Variants in GRM1 observed in about 807,000 individuals in gnomAD.
The protein encoded by GRM1 is glutamate metabotropic receptor 1, also known as metabotropic glutamate receptor 1.
Under a neutral mutation model 90.9 loss-of-function variants are expected in GRM1, and 33 were observed. The ratio of observed to expected loss-of-function variants is 0.36; its 90% CI spans 0.28 to 0.49. The LOEUF (loss-of-function observed/expected upper bound fraction) is 0.49, where lower values mean the gene tolerates loss of function less well. GRM1 is among the 20% of genes least tolerant of loss of function. The pLI, the probability that GRM1 is intolerant of heterozygous loss-of-function variation, is 0.99. For missense variants in GRM1, 1,190 were observed against 1,534.3 expected (o/e 0.78, Z 3.75); for synonymous variants, 700 against 613.2 (o/e 1.14, Z -2.09).
At chr6:146,038,575 G>A (rs1227685838) in intron 1 of GRM1, among the ~76,000 whole-genome samples, 2 of 151,968 alleles carry the variant, frequency 1.3e-5, no homozygotes, top group Non-Finnish European at 2.9e-5. Flanking sequence ...GGGAAGTTCT[G>A]TGGTGGAGAT....
chr6:146,371,012 C>T lies in GRM1; in HGVS notation c.1602+13318C>T, dbSNP rs140055017. Among the ~76,000 whole-genome samples, 16 of 152,104 alleles carry T rather than the reference C, an allele frequency of 1.1e-4. No individual in the cohort carries two copies. The East Asian group carries it at 3.1e-3, about 29-fold the overall frequency. ...ATGTAGTTCTATGTCTCTTTTATTC[C>T]AATTGAATTCTTCATTTCCATTTTT... On this transcript the variant is annotated intron_variant, in intron 5 of 7. Transcript: ENST00000282753.
Position 146,029,992 on chromosome 6 carries a change from G to A in GRM1, c.475G>A (p.Val159Met). Residue 159 changes from valine to methionine, a missense_variant, in exon 1 of 8, where the codon GTG (valine) becomes ATG (methionine). Physicochemically the swap from Val to Met is conservative, Grantham distance 21. This residue lies in a region of GRM1 where 46 missense variants were observed against 116.1 expected (regional missense o/e 0.40). Coordinates refer to ENST00000282753, the MANE Select transcript of GRM1 (RefSeq NM_001278064.2). ...CAGGACTAAGAAGCCCATTGCGGGA[G>A]TGATCGGTCCCGGCTCCAGCTCTGT... The part of the protein sequence containing the change: ...PGRTKKPIAG[V>M]IGPGSSSVAI... The A allele has an allele frequency of 6.2e-7, 1 of 1,614,144 alleles. No homozygotes were observed. The highest frequency in any genetic ancestry group is 8.5e-7 in the Non-Finnish European group (1 of 1,179,996).
intron 1 of GRM1, among the ~76,000 whole-genome samples, chr6:146,098,652 G>A (rs1304604108): frequency 6.6e-6 from 1 of 151,848 alleles, no homozygotes; most frequent in African/African-American, 2.4e-5. Flanking sequence ...CCCCAACCAA[G>A]TCTCATCCTG....
At chr6:146,094,817 A>G (rs563409732) in intron 1 of GRM1, among the ~76,000 whole-genome samples, 2 of 152,236 alleles carry the variant, frequency 1.3e-5, no homozygotes, top group East Asian at 3.9e-4. Flanking sequence ...TGTGCTGAGA[A>G]TCATGCACTA....
chr6:146,129,472 C>A (rs1410238037), intron 1 of GRM1, among the ~76,000 whole-genome samples: 1 of 152,112 alleles, frequency 6.6e-6, no homozygotes, highest in Non-Finnish European at 1.5e-5. Flanking sequence ...GTGAAGCCTT[C>A]TATAAAGAGT....
intron 2 of GRM1, among the ~76,000 whole-genome samples, chr6:146,193,139 T>C (rs1437076143): frequency 6.6e-6 from 1 of 152,174 alleles, no homozygotes; most frequent in Non-Finnish European, 1.5e-5. Context: ...AAGATAAATT[T>C]TGAGTATATT....
At chr6:146,367,146 T>C (rs1188843994) in intron 5 of GRM1, among the ~76,000 whole-genome samples, 2 of 152,274 alleles carry the variant, frequency 1.3e-5, no homozygotes, top group South Asian at 2.1e-4. Flanking sequence ...CCTAGCACCA[T>C]TTATTAGAGA....
At chr6:146,378,048 A>T (rs900384944) in intron 5 of GRM1, among the ~76,000 whole-genome samples, 1 of 152,154 alleles carries the variant, frequency 6.6e-6, no homozygotes, top group Non-Finnish European at 1.5e-5. Flanking sequence ...TACACATGGT[A>T]TTGGGCTTGT....
chr6:146,045,391 A>G (rs1484130235), intron 1 of GRM1, among the ~76,000 whole-genome samples: 1 of 151,986 alleles, frequency 6.6e-6, no homozygotes, highest in Non-Finnish European at 1.5e-5. Flanking sequence ...GGTGGAATAT[A>G]AACTGCTGGA....
rs1474538488 is a variant in GRM1, at chr6:146,085,992, G to A, written c.700+55775G>A. ...GTGCTGGCATACTCTATGTGACGGG[G>A]ATATAGAAATATAAGTTGTGCCAGC... On this transcript the variant is annotated intron_variant, in intron 1 of 7. Coordinates refer to ENST00000282753, the MANE Select transcript of GRM1 (RefSeq NM_001278064.2). Among the ~76,000 whole-genome samples the A allele has an allele frequency of 2.6e-5, 4 of 152,142 alleles. No homozygotes were observed. In the East Asian group the frequency reaches 5.8e-4, roughly 22 times the overall value.
At chr6:146,428,543 G>A (rs78518503) in intron 7 of GRM1, among the ~76,000 whole-genome samples, 3,627 of 152,238 alleles carry the variant, frequency 0.024, 60 homozygotes, top group East Asian at 0.072. Flanking sequence ...AGGTAGAGCT[G>A]AGGAGCATAA....
chr6:146,154,739 A>C (rs1285834676), intron 1 of GRM1, among the ~76,000 whole-genome samples: 7 of 152,200 alleles, frequency 4.6e-5, no homozygotes, highest in Non-Finnish European at 1.0e-4. Flanking sequence ...TTGCTTAAAT[A>C]ATTGCTGCAT....
chr6:146,243,103 G>A (rs546960727), intron 2 of GRM1, among the ~76,000 whole-genome samples: 1 of 152,150 alleles, frequency 6.6e-6, no homozygotes, highest in South Asian at 2.1e-4. Context: ...CAGGAACCTT[G>A]GCTAAAAGAC....
chr6:146,299,095 T>A (rs1268793265), intron 2 of GRM1, among the ~76,000 whole-genome samples: 1 of 152,194 alleles, frequency 6.6e-6, no homozygotes, highest in East Asian at 1.9e-4. Flanking sequence ...GCTTGTGCCT[T>A]CATGTAGCTC....
chr6:146,305,334 G>A (rs1783537591), intron 3 of GRM1, among the ~76,000 whole-genome samples: 2 of 152,086 alleles, frequency 1.3e-5, no homozygotes, highest in Admixed American at 1.3e-4. Flanking sequence ...CTTTCAGTCA[G>A]AACAATGGTT....
At chr6:146,257,002 G>C (rs1781502981) in intron 2 of GRM1, among the ~76,000 whole-genome samples, 2 of 152,004 alleles carry the variant, frequency 1.3e-5, no homozygotes, top group Non-Finnish European at 1.5e-5. Context: ...TTCTGCCTCT[G>C]TGTTTTGTTT....
chr6:146,136,964 T>C (rs1776647826), intron 1 of GRM1, among the ~76,000 whole-genome samples: 1 of 147,914 alleles, frequency 6.8e-6, no homozygotes, highest in Non-Finnish European at 1.5e-5. Context: ...GTGATTCTCC[T>C]GCCTCAGCCT....
At chr6:146,109,775 G>A (rs1346035899) in intron 1 of GRM1, among the ~76,000 whole-genome samples, 3 of 152,202 alleles carry the variant, frequency 2.0e-5, no homozygotes, top group Non-Finnish European at 4.4e-5. Flanking sequence ...AGCTACAGGG[G>A]TGGAGCTGCC....
At chr6:146,257,949 T>A (rs1781547872) in intron 2 of GRM1, among the ~76,000 whole-genome samples, 1 of 150,520 alleles carries the variant, frequency 6.6e-6, no homozygotes, top group Admixed American at 6.6e-5. Context: ...ACATCCAGGA[T>A]ACACACGGAA....
Sources: gnomAD v4.1 joint callset for allele counts (sites outside exome capture counted in the v4.1 genomes callset) on GRCh38, gnomAD v4.1.1 for gene constraint, gnomAD v4.1.1 regional missense constraint, MANE v1.5 for transcripts, NCBI Gene and HGNC (gene_info 2026-07-23, HGNC 2026-07-21) for gene names.